The following RTN4RL1 variants were observed in gnomAD, a reference collection of about 807,000 sequenced individuals.
RTN4RL1 encodes reticulon-4 receptor-like 1.
A neutral mutation model predicts 25.6 loss-of-function variants in RTN4RL1; 7 were observed. The ratio of observed to expected loss-of-function variants is 0.27; its 90% CI spans 0.16 to 0.51. The LOEUF (loss-of-function observed/expected upper bound fraction) is 0.51, where lower values mean the gene tolerates loss of function less well. Ranked by LOEUF, RTN4RL1 falls within the 20% of genes least tolerant of loss-of-function variation. The pLI is 0.97. For missense variants in RTN4RL1, 500 were observed against 615.6 expected, an observed-to-expected ratio of 0.81 and a Z score of 1.99; for synonymous variants, 297 against 288.2, an observed-to-expected ratio of 1.03 and a Z score of -0.31.
At chr17:1,958,068 C>T (rs111303133) in intron 1 of RTN4RL1, among the ~76,000 whole-genome samples, 2,268 of 151,674 alleles carry the variant, frequency 0.015, 57 homozygotes, top group African/African-American at 0.051. Context: ...CAGGGCACAC[C>T]TGTAGTCCCC....
At position 1,937,159 on chromosome 17, in the gene RTN4RL1, G is replaced by C. The variant is rs1567846330; in HGVS notation, c.663C>G (p.Arg221=). The C allele has an allele frequency of 6.2e-7, 1 of 1,612,290 alleles. No homozygotes were observed. Among genetic ancestry groups the C allele is most frequent in the Admixed American group, 1.7e-5 (1 of 59,926 alleles). ...TGAAGAGGAAGAGGGTGGTCAGCCT[G>C]CGGAGGTCGTGGAACGCCTTGTGGT... is the stretch of plus-strand genomic sequence containing the variant. ...WVHHKAFHDL[R]RLTTLFLFNN... The change falls in exon 2 of 2, where the codon CGC becomes CGG. Residue 221 remains arginine, a synonymous_variant. Transcript: ENST00000331238.
chr17:1,973,402 C>T (rs916243687), intron 1 of RTN4RL1, among the ~76,000 whole-genome samples: 2 of 150,246 alleles, frequency 1.3e-5, no homozygotes, highest in Admixed American at 6.7e-5. Flanking sequence ...TGGGGTGGTT[C>T]ACACCTGTAA....
rs1190786066 is a variant in RTN4RL1 at position 1,937,772 on chromosome 17, G to A, written c.50C>T (p.Ala17Val). 3.7e-6 allele frequency: 6 copies of A among 1,600,476 alleles called. No individual in the cohort carries two copies. Among genetic ancestry groups the A allele is most frequent in the African/African-American group, 1.3e-5 (1 of 74,864 alleles). The change falls in exon 2 of 2, where the codon GCG becomes GTG. Residue 17 changes from alanine to valine, a missense_variant. Physicochemically the swap from Ala to Val is moderately conservative, Grantham distance 64. This residue lies in a region of RTN4RL1 where 232 missense variants were observed against 341.1 expected (regional missense o/e 0.68). Coordinates refer to ENST00000331238, the MANE Select transcript of RTN4RL1 (RefSeq NM_178568.4). Reference sequence around the variant, plus strand: ...GCAGCCACCACCCAGGGGCAGCTCCGCAGCTACCAACAGCAGCAGCAACTC... The same window carrying A: ...GCAGCCACCACCCAGGGGCAGCTCCACAGCTACCAACAGCAGCAGCAACTC... ...CVELLLLLVA[A>V]ELPLGGGCPR...
chr17:1,943,700 A>T (rs769052408), intron 1 of RTN4RL1, among the ~76,000 whole-genome samples: 14 of 152,082 alleles, frequency 9.2e-5, no homozygotes, highest in Non-Finnish European at 2.1e-4. Context: ...TCCATGCTGC[A>T]CCCAAGCACA....
chr17:1,948,721 T>C (rs1021127519), intron 1 of RTN4RL1, among the ~76,000 whole-genome samples: 2 of 150,724 alleles, frequency 1.3e-5, no homozygotes, highest in Admixed American at 6.6e-5. Flanking sequence ...GGCAAATGTC[T>C]GTTTGTGATG....
chr17:1,939,930 G>A (rs916522135), intron 1 of RTN4RL1, among the ~76,000 whole-genome samples: 18 of 152,150 alleles, frequency 1.2e-4, no homozygotes, highest in South Asian at 2.1e-4. Context: ...TGGGAGAGCC[G>A]GGGCACCCAG....
At chr17:1,956,973 CAG>C (rs1915807173) in intron 1 of RTN4RL1, among the ~76,000 whole-genome samples, 1 of 152,128 alleles carries the variant, frequency 6.6e-6, no homozygotes, top group African/African-American at 2.4e-5. Context: ...CTCCTGACCT[CAG>C]GTGATCCACC....
chr17:1,969,393 A>G (rs1483681405), intron 1 of RTN4RL1, among the ~76,000 whole-genome samples: 2 of 152,104 alleles, frequency 1.3e-5, no homozygotes, highest in Non-Finnish European at 1.5e-5. Context: ...CGAGAAGCCA[A>G]ACAAGGACCT....
intron 1 of RTN4RL1, among the ~76,000 whole-genome samples, chr17:1,942,083 G>C (rs780857279): frequency 6.6e-6 from 1 of 152,136 alleles, no homozygotes; most frequent in Non-Finnish European, 1.5e-5. Context: ...CCCCTCCTGG[G>C]TGGGCCAGGG....
chr17:1,941,947 C>G (rs985608140), intron 1 of RTN4RL1, among the ~76,000 whole-genome samples: 2 of 152,184 alleles, frequency 1.3e-5, no homozygotes. Flanking sequence ...AGCCCCGACC[C>G]GCTGATTGCC....
At chr17:1,980,059 T>G (rs12951313) in intron 1 of RTN4RL1, among the ~76,000 whole-genome samples, 13,805 of 151,960 alleles carry the variant, frequency 0.091, 837 homozygotes, top group Admixed American at 0.13. Flanking sequence ...GATATATTTT[T>G]TCTTTTCTTT....
At chr17:1,947,436 G>A (rs1915579972) in intron 1 of RTN4RL1, among the ~76,000 whole-genome samples, 1 of 152,092 alleles carries the variant, frequency 6.6e-6, no homozygotes, top group African/African-American at 2.4e-5. Flanking sequence ...CCTGTTCTGG[G>A]CAGAGCCACC....
chr17:1,943,456 C>A (rs936961831), intron 1 of RTN4RL1, among the ~76,000 whole-genome samples: 3 of 152,244 alleles, frequency 2.0e-5, no homozygotes, highest in African/African-American at 7.2e-5. Context: ...ATCCCCGCAG[C>A]CCCCTGGGCA....
At chr17:1,975,289 C>G (rs7224224) in intron 1 of RTN4RL1, among the ~76,000 whole-genome samples, 152,270 of 152,290 alleles carry the variant, frequency 1, 76,125 homozygotes, top group Middle Eastern at 1. Flanking sequence ...CTGGCTTCTT[C>G]CTTGGGGTAG....
At chr17:1,961,332 C>G (rs566810017) in intron 1 of RTN4RL1, among the ~76,000 whole-genome samples, 1 of 152,258 alleles carries the variant, frequency 6.6e-6, no homozygotes, top group South Asian at 2.1e-4. Context: ...TGGAGGACGA[C>G]GGGGCAGGGC....
intron 1 of RTN4RL1, among the ~76,000 whole-genome samples, chr17:2,011,614 C>T (rs1232295896): frequency 6.6e-6 from 1 of 152,190 alleles, no homozygotes; most frequent in Non-Finnish European, 1.5e-5. Context: ...GCTGTACATT[C>T]TGGAGCTCCT....
chr17:2,008,256 C>T (rs2067015548), intron 1 of RTN4RL1, among the ~76,000 whole-genome samples: 1 of 147,594 alleles, frequency 6.8e-6, no homozygotes, highest in South Asian at 2.1e-4. Flanking sequence ...GCAACAAGGG[C>T]TAGACTCCAT....
At position 1,936,684 on chromosome 17, in the gene RTN4RL1, A is replaced by G; in HGVS notation, c.1138T>C (p.Tyr380His). ...AGKQAPELPD[Y>H]APDYQHKFSF... Reference sequence around the variant, plus strand: ...AACTTGTGCTGGTAGTCTGGGGCATAGTCTGGCAGCTCGGGGGCCTGTTTC... The same window carrying G: ...AACTTGTGCTGGTAGTCTGGGGCATGGTCTGGCAGCTCGGGGGCCTGTTTC... Residue 380 changes from tyrosine (Y) to histidine (H), a missense_variant, in exon 2 of 2, where the codon TAT becomes CAT. By Grantham distance (83) the Tyr-to-His change is moderately conservative. Around this residue, in one of 2 missense-constraint regions of RTN4RL1, gnomAD observed 268 missense variants for 274.5 expected, o/e 0.98. Transcript: ENST00000331238. The G allele has an allele frequency of 6.3e-7, 1 of 1,583,122 alleles. No individual in the cohort carries two copies. Among genetic ancestry groups the G allele is most frequent in the Non-Finnish European group, 8.6e-7 (1 of 1,166,680 alleles).
At chr17:1,992,133 G>A (rs1427352722) in intron 1 of RTN4RL1, among the ~76,000 whole-genome samples, 2 of 152,090 alleles carry the variant, frequency 1.3e-5, no homozygotes, top group African/African-American at 2.4e-5. Context: ...GGGAGGCCGC[G>A]GCGGGTGGAT....
Sources: gnomAD v4.1 joint callset for allele counts (sites outside exome capture counted in the v4.1 genomes callset) on GRCh38, gnomAD v4.1.1 for gene constraint, gnomAD v4.1.1 regional missense constraint, MANE v1.5 for transcripts, NCBI Gene and HGNC (gene_info 2026-07-23, HGNC 2026-07-21) for gene names.